Variants in MGAM observed in about 807,000 individuals in gnomAD.
MGAM encodes the protein maltase-glucoamylase.
In MGAM, 253 loss-of-function variants were observed where a neutral mutation model predicts 358.8. The ratio of observed to expected loss-of-function variants is 0.71; its 90% CI spans 0.64 to 0.78. The LOEUF (loss-of-function observed/expected upper bound fraction) is 0.78. Among genes scored for constraint, MGAM ranks in the 30% least tolerant of loss-of-function variants. The pLI is 0.00. For synonymous variants in MGAM, 1,105 were observed against 1,227.1 expected (o/e 0.90, Z 2.08); for missense variants, 3,080 against 3,432.6 (o/e 0.90, Z 2.57).
chr7:142,060,114 C>T, intron 33 of MGAM, 148 bp downstream of exon 33: 1 of 1,271,870 alleles, frequency 7.9e-7, no homozygotes, highest in Non-Finnish European at 1.1e-6. Context: ...TTTTCTCAAT[C>T]AATATTTGTT....
Position 142,064,460 on chromosome 7 carries a change from C to A in MGAM, c.4422C>A (p.Ser1474=), listed in dbSNP as rs575377433. Residue 1474 remains serine, a synonymous_variant, in exon 37 of 71, where the codon TCC becomes TCA. Transcript: ENST00000475668. The part of the protein sequence containing the change: ...MESQQILPDG[S]LVQHYNVHNL... Reference sequence around the variant, plus strand: ...GTCAGCAGATCCTCCCAGACGGCTCCCTGGTGCAGCACTACAACGTGCACA... The same window carrying A: ...GTCAGCAGATCCTCCCAGACGGCTCACTGGTGCAGCACTACAACGTGCACA... 15 of 1,595,510 alleles carry A rather than the reference C, an allele frequency of 9.4e-6. No individual in the cohort carries two copies. The highest frequency in any genetic ancestry group is 1.3e-5 in the Non-Finnish European group (15 of 1,171,044).
chr7:142,051,233 G>A (rs1810920805), intron 24 of MGAM, among the ~76,000 whole-genome samples: 1 of 152,088 alleles, frequency 6.6e-6, no homozygotes, highest in South Asian at 2.1e-4. Context: ...TTTGAAAAAG[G>A]CCAGTTTGGA....
Position 142,021,686 on chromosome 7 carries a change from C to T in MGAM, c.659C>T (p.Ser220Phe), listed in dbSNP as rs1806473007. ...AASLTYQVEI[S>F]RQPFSIKVTR... is the part of the protein sequence containing the mutation. ...TCTTTGACCTACCAAGTTGAAATCT[C>T]CAGACAGCCATTTAGCATCAAAGTG... Residue 220 changes from serine to phenylalanine, a missense_variant, in exon 6 of 71, where the codon TCC (serine) becomes TTC (phenylalanine). This residue lies in a region of MGAM where 1,816 missense variants were observed against 1,840.5 expected (regional missense o/e 0.99). Coordinates refer to ENST00000475668, the MANE Select transcript of MGAM (RefSeq NM_001365693.1). 1 of 1,613,834 alleles carries T rather than the reference C, an allele frequency of 6.2e-7. No individual in the cohort carries two copies. The highest frequency in any genetic ancestry group is 1.7e-5 in the Admixed American group (1 of 60,002).
At chr7:142,100,270 T>G (rs555138460) in intron 67 of MGAM, among the ~76,000 whole-genome samples, 2 of 152,328 alleles carry the variant, frequency 1.3e-5, no homozygotes, top group Admixed American at 6.5e-5. Context: ...GTTAGTACTG[T>G]TACCACCATT....
intron 21 of MGAM, among the ~76,000 whole-genome samples, chr7:142,046,935 T>C (rs1482513987): frequency 1.3e-5 from 2 of 152,172 alleles, no homozygotes; most frequent in African/African-American, 4.8e-5. Context: ...TTTATTTTTG[T>C]ATCTCATTGA....
chr7:142,007,481 TC>T (rs1388305398), intron 2 of MGAM, among the ~76,000 whole-genome samples: 3 of 152,010 alleles, frequency 2.0e-5, no homozygotes, highest in Non-Finnish European at 2.9e-5. Flanking sequence ...TAGAAAAAAG[TC>T]CCAAAGATTG....
At position 142,082,691 on chromosome 7, in the gene MGAM, G is replaced by A. The variant is rs1233727971; in HGVS notation, c.6268+120G>A. 8 of 816,592 alleles carry A rather than the reference G, an allele frequency of 9.8e-6. 1 individual carries two copies. Among genetic ancestry groups the A allele is most frequent in the Non-Finnish European group, 1.5e-5 (8 of 526,682 alleles). 50.6% of individuals were successfully genotyped at this position (816,592 alleles called of 1,614,324 possible). A position where few individuals can be genotyped will look rare whatever the true frequency, so the allele number is the denominator to read the frequency against. On this transcript the variant is annotated intron_variant, in intron 52 of 70. Coordinates refer to ENST00000475668, the MANE Select transcript of MGAM (RefSeq NM_001365693.1). ...AAATCTTCATTTTACGGGCACTGCT[G>A]TTTATTTTTTCTTTGTGTTTAGCCT...
At chr7:142,088,574 ATCATCTACCTCATCTATCTATATC>A (rs1001963285) in intron 57 of MGAM, among the ~76,000 whole-genome samples, 3 of 127,128 alleles carry the variant, frequency 2.4e-5, no homozygotes, top group African/African-American at 5.7e-5. Context: ...CTATCTATCT[ATCATCTACCTCATCTATCTATATC>A]TATCTATCTA....
chr7:142,062,742 C>G lies in MGAM; in HGVS notation c.4257+40C>G, dbSNP rs368871465. On this transcript the variant is annotated intron_variant, in intron 35 of 70. Transcript: ENST00000475668. ...GTCTCTGTGTACCAGTGGCTCTTGT[C>G]TATCTTTGTGTGCCTAAGTATATGT... 346 of 1,611,048 alleles carry G rather than the reference C, an allele frequency of 2.1e-4. No individual in the cohort carries two copies. The African/African-American group carries it at 4.4e-3, about 20-fold the overall frequency.
At chr7:142,045,162 A>AAT (rs1438073474) in intron 21 of MGAM, among the ~76,000 whole-genome samples, 3 of 71,744 alleles carry the variant, frequency 4.2e-5, no homozygotes, top group Non-Finnish European at 7.9e-5. Context: ...TGTGATATAT[A>AAT]ATATATATAT....
At position 142,054,832 on chromosome 7, in the gene MGAM, G is replaced by A; in HGVS notation, c.3238G>A (p.Gly1080Ser). Residue 1080 changes from glycine to serine, a missense_variant, in exon 27 of 71, where the codon GGT becomes AGT. Around this residue, in one of 5 missense-constraint regions of MGAM, gnomAD observed 1,816 missense variants for 1,840.5 expected, o/e 0.99. Transcript: ENST00000475668. Reference protein sequence around the residue: ...IPSMPSSTPEGQLYDVLIKKN... With the variant: ...IPSMPSSTPESQLYDVLIKKN... The stretch of plus-strand genomic sequence containing the variant: ...CAGCATGCCATCCAGCACCCCTGAG[G>A]GTCAACTCTATGATGTGCTCATTAA... 2.5e-6 allele frequency: 4 copies of A among 1,613,918 alleles called. No individual in the cohort carries two copies. The highest frequency in any genetic ancestry group is 3.4e-6 in the Non-Finnish European group (4 of 1,179,858).
At chr7:142,061,413 C>T (rs1690702462) in intron 34 of MGAM, among the ~76,000 whole-genome samples, 1 of 152,124 alleles carries the variant, frequency 6.6e-6, no homozygotes, top group African/African-American at 2.4e-5. Context: ...CAAAAGGCAT[C>T]CCTGGCATGC....
At position 142,025,159 on chromosome 7, in the gene MGAM, T is replaced by C. The variant is rs782503616; in HGVS notation, c.982+10T>C. On this transcript the variant is annotated intron_variant, in intron 8 of 70. Coordinates refer to ENST00000475668, the MANE Select transcript of MGAM (RefSeq NM_001365693.1). The stretch of plus-strand genomic sequence containing the variant: ...AACAGCAATGCCATGGGTAAAGGAA[T>C]ATTCATGGAAAAAACAAGCACAAGA... The C allele has an allele frequency of 1.6e-5, 25 of 1,580,044 alleles. No individual in the cohort carries two copies. The South Asian group carries it at 2.5e-4, about 16-fold the overall frequency.
chr7:142,032,707 A>G (rs2129004999), intron 13 of MGAM, 118 bp from the exon 14 acceptor site: 4 of 635,286 alleles, frequency 6.3e-6, no homozygotes, highest in African/African-American at 1.9e-5. Flanking sequence ...CCATTTATAC[A>G]AATACCCCTT....
At chr7:142,009,694 G>A (rs1347430823) in intron 3 of MGAM, among the ~76,000 whole-genome samples, 1 of 151,568 alleles carries the variant, frequency 6.6e-6, no homozygotes, top group Non-Finnish European at 1.5e-5. Flanking sequence ...TTACTCCACG[G>A]CCTTGGCGTT....
Position 142,080,805 on chromosome 7 carries a change from C to G in MGAM, c.5862C>G (p.Asn1954Lys). ...CTCTGGCCTAGATTTATGATCCCAA[C>G]AACAATCGGTATGAAGTTCCAGTCC... is the stretch of plus-strand genomic sequence containing the variant. Reference protein sequence around the residue: ...EMLQFKIYDPNNNRYEVPVPL... With the variant: ...EMLQFKIYDPKNNRYEVPVPL... Residue 1954 changes from asparagine (N) to lysine (K), a missense_variant, in exon 50 of 71, where the codon AAC becomes AAG. By Grantham distance (94) the Asn-to-Lys change is moderately conservative. This residue lies in a region of MGAM where 932 missense variants were observed against 1,198.2 expected (regional missense o/e 0.78). Coordinates refer to ENST00000475668, the MANE Select transcript of MGAM (RefSeq NM_001365693.1). 6.4e-7 allele frequency: 1 copy of G among 1,554,938 alleles called. No individual in the cohort carries two copies. The highest frequency in any genetic ancestry group is 1.1e-5 in the South Asian group (1 of 89,038).
chr7:142,078,305 T>C lies in MGAM; in HGVS notation c.5494-13T>C, dbSNP rs779224571. ...CAAAGATGAATTTCCTTGTGATTTC[T>C]GCATTCCTACAGGTCGCCATTATCA... On this transcript the variant is annotated splice_polypyrimidine_tract_variant and intron_variant, in intron 47 of 70. Coordinates refer to ENST00000475668, the MANE Select transcript of MGAM (RefSeq NM_001365693.1). 2.8e-6 allele frequency: 4 copies of C among 1,438,112 alleles called. 2 individuals are homozygous for C. The highest frequency in any genetic ancestry group is 3.7e-6 in the Non-Finnish European group (4 of 1,069,000). 89.1% of individuals were successfully genotyped at this position (1,438,112 alleles called of 1,614,324 possible).
At chr7:142,103,463 A>C in intron 70 of MGAM, 24 bp downstream of exon 70, 3 of 1,570,402 alleles carry the variant, frequency 1.9e-6, no homozygotes, top group Non-Finnish European at 2.6e-6. Flanking sequence ...AAAAAGTGCG[A>C]ATGGTATTCT....
intron 43 of MGAM, 150 bp from the exon 44 acceptor site, chr7:142,070,844 G>C: frequency 2.7e-6 from 3 of 1,096,548 alleles, no homozygotes; most frequent in Non-Finnish European, 3.9e-6. Flanking sequence ...GCAGCACTGT[G>C]CGAATGCAGA....
Sources: gnomAD v4.1 joint callset for allele counts (sites outside exome capture counted in the v4.1 genomes callset) on GRCh38, gnomAD v4.1.1 for gene constraint, gnomAD v4.1.1 regional missense constraint, MANE v1.5 for transcripts, NCBI Gene and HGNC (gene_info 2026-07-23, HGNC 2026-07-21) for gene names.